Variants in PTPRR observed in about 807,000 individuals in gnomAD.
PTPRR encodes receptor-type tyrosine-protein phosphatase R.
In PTPRR, 38 loss-of-function variants were observed where a neutral mutation model predicts 77.2. That is an observed-to-expected ratio of 0.49 (90% CI 0.38 to 0.65). PTPRR has a LOEUF of 0.65. Among genes scored for constraint, PTPRR ranks in the 30% least tolerant of loss-of-function variants. The pLI is 0.00. For synonymous variants in PTPRR, 299 were observed against 283.1 expected, an observed-to-expected ratio of 1.06 and a Z score of -0.57; for missense variants, 744 against 799.2, an observed-to-expected ratio of 0.93 and a Z score of 0.83.
rs375518200 is a variant in PTPRR, at chr12:70,751,038, C to A, written c.738+3153G>T. Among the ~76,000 whole-genome samples, 133 of 152,002 alleles carry A rather than the reference C, an allele frequency of 8.7e-4. 8 individuals carry two copies. In the South Asian group the frequency reaches 0.027, roughly 31 times the overall value. ...ACAGGCGTGAGCCACTGCACTTGGTCCCCCTGTTACTTTTAAAAGTGACTC... is the reference window on the plus strand; with the variant it reads ...ACAGGCGTGAGCCACTGCACTTGGTACCCCTGTTACTTTTAAAAGTGACTC... On this transcript the variant is annotated intron_variant, in intron 5 of 13. Transcript: ENST00000283228.
At chr12:70,801,540 A>C (rs1229083093) in intron 2 of PTPRR, among the ~76,000 whole-genome samples, 1 of 152,220 alleles carries the variant, frequency 6.6e-6, no homozygotes, top group Non-Finnish European at 1.5e-5. Flanking sequence ...ACGTGGATTC[A>C]GATTCGAACT....
intron 2 of PTPRR, among the ~76,000 whole-genome samples, chr12:70,884,598 T>C (rs566121867): frequency 1.1e-4 from 16 of 152,134 alleles, no homozygotes; most frequent in Admixed American, 9.8e-4. Context: ...CCAGGCGCGG[T>C]GGCTCACGCC....
At chr12:70,691,430 A>G (rs1013162569) in intron 8 of PTPRR, among the ~76,000 whole-genome samples, 9 of 151,792 alleles carry the variant, frequency 5.9e-5, no homozygotes, top group African/African-American at 2.2e-4. Context: ...TCATGTTGCT[A>G]ATTCTAGGAT....
intron 11 of PTPRR, among the ~76,000 whole-genome samples, chr12:70,661,820 C>G (rs1886809094): frequency 6.6e-6 from 1 of 152,196 alleles, no homozygotes. Flanking sequence ...CCAACAAAAG[C>G]CATCACTGTA....
intron 6 of PTPRR, among the ~76,000 whole-genome samples, chr12:70,725,448 C>A (rs1188616222): frequency 6.6e-6 from 1 of 152,020 alleles, no homozygotes; most frequent in Non-Finnish European, 1.5e-5. Context: ...AATTATCCAC[C>A]AAATCTAGGA....
chr12:70,893,101 T>C, intron 1 of PTPRR, 124 bp from the exon 2 acceptor site: 1 of 1,042,260 alleles, frequency 9.6e-7, no homozygotes, highest in African/African-American at 1.6e-5. Flanking sequence ...TTTAGGTTAG[T>C]CTCCATATTT....
intron 2 of PTPRR, among the ~76,000 whole-genome samples, chr12:70,845,326 A>C (rs912760269): frequency 3.9e-5 from 6 of 152,154 alleles, no homozygotes; most frequent in Non-Finnish European, 8.8e-5. Context: ...TTAGAAAAAC[A>C]ACCACCCCCC....
rs749120877 is a variant in PTPRR at position 70,662,486 on chromosome 12, T to C, written c.1608+9A>G. 5 of 1,539,428 alleles carry C rather than the reference T, an allele frequency of 3.2e-6. No individual in the cohort carries two copies. The highest frequency in any genetic ancestry group is 2.3e-5 in the East Asian group (1 of 44,320). ...TACTTTGTAGATGGCTATAGCTACA[T>C]AATCTTACCTTTAAGACAAGGTTTC... is the stretch of plus-strand genomic sequence containing the variant. On this transcript the variant is annotated intron_variant, in intron 11 of 13. Transcript: ENST00000283228.
chr12:70,900,099 A>G (rs898560624), intron 1 of PTPRR, among the ~76,000 whole-genome samples: 56 of 151,692 alleles, frequency 3.7e-4, no homozygotes, highest in African/African-American at 1.2e-3. Context: ...GATGTCAATC[A>G]TCTCCAATTA....
intron 2 of PTPRR, among the ~76,000 whole-genome samples, chr12:70,838,464 C>G (rs566161301): frequency 1.3e-5 from 2 of 152,150 alleles, no homozygotes; most frequent in African/African-American, 4.8e-5. Flanking sequence ...AAGCTCTTGT[C>G]TGCTGTCAGC....
chr12:70,850,655 G>A (rs543546661), intron 2 of PTPRR, among the ~76,000 whole-genome samples: 22 of 152,190 alleles, frequency 1.4e-4, no homozygotes, highest in African/African-American at 5.1e-4. Context: ...CATTGTGACC[G>A]GGAATAATTT....
At chr12:70,700,942 G>A (rs1888398904) in intron 7 of PTPRR, among the ~76,000 whole-genome samples, 195 bp downstream of exon 7, 1 of 152,102 alleles carries the variant, frequency 6.6e-6, no homozygotes, top group African/African-American at 2.4e-5. Context: ...TGCATATTCT[G>A]CCTTAATTTA....
At chr12:70,808,992 A>G (rs1194973745) in intron 2 of PTPRR, among the ~76,000 whole-genome samples, 1 of 152,180 alleles carries the variant, frequency 6.6e-6, no homozygotes, top group Non-Finnish European at 1.5e-5. Context: ...GAGATAGTAT[A>G]GGGAGATTGA....
intron 10 of PTPRR, among the ~76,000 whole-genome samples, chr12:70,670,043 G>A (rs1887161448): frequency 6.6e-6 from 1 of 152,138 alleles, no homozygotes; most frequent in Non-Finnish European, 1.5e-5. Flanking sequence ...GTTAATATAT[G>A]GCTCCTTATG....
At chr12:70,698,552 G>C (rs889693637) in intron 7 of PTPRR, among the ~76,000 whole-genome samples, 2 of 152,088 alleles carry the variant, frequency 1.3e-5, no homozygotes, top group Non-Finnish European at 2.9e-5. Flanking sequence ...AAACAGCTCT[G>C]TGTGTTAGAA....
chr12:70,748,700 C>T (rs1041105128), intron 5 of PTPRR, among the ~76,000 whole-genome samples: 11 of 152,254 alleles, frequency 7.2e-5, no homozygotes, highest in South Asian at 2.1e-4. Context: ...TTAAAATTTT[C>T]GTTCAAAAAT....
At chr12:70,820,903 G>A (rs957618537) in intron 2 of PTPRR, among the ~76,000 whole-genome samples, 1 of 151,976 alleles carries the variant, frequency 6.6e-6, no homozygotes. Flanking sequence ...CTCCTTGCTG[G>A]GTATAAGTCC....
At chr12:70,796,810 A>T (rs1043529365) in intron 2 of PTPRR, among the ~76,000 whole-genome samples, 4 of 151,740 alleles carry the variant, frequency 2.6e-5, no homozygotes, top group Non-Finnish European at 4.4e-5. Context: ...CAGGTGGATT[A>T]TCAGGTCAGG....
intron 2 of PTPRR, among the ~76,000 whole-genome samples, chr12:70,845,243 A>G (rs1892464717): frequency 6.6e-6 from 1 of 152,146 alleles, no homozygotes; most frequent in Admixed American, 6.5e-5. Context: ...AGGTGTGCAC[A>G]GGAAAATCTC....
Sources: allele counts gnomAD v4.1 joint callset (sites outside exome capture counted in the v4.1 genomes callset), GRCh38; gene constraint gnomAD v4.1.1; transcripts MANE v1.5; gene names NCBI Gene and HGNC (gene_info 2026-07-23, HGNC 2026-07-21).